The following KCNN2 variants were observed in gnomAD, a reference collection of about 807,000 sequenced individuals.
KCNN2 encodes the protein potassium calcium-activated channel subfamily N member 2.
A neutral mutation model predicts 55.5 loss-of-function variants in KCNN2; 24 were observed. The ratio of observed to expected loss-of-function variants is 0.43; its 90% CI spans 0.31 to 0.61. KCNN2 has a LOEUF of 0.61. Among genes scored for constraint, KCNN2 ranks in the 20% least tolerant of loss-of-function variants. The probability of loss-of-function intolerance (pLI) is 0.08; values close to 1 mark genes in which losing one functional copy is unlikely to be tolerated. For synonymous variants in KCNN2, 431 were observed against 336.1 expected (o/e 1.28, Z -3.09); for missense variants, 754 against 853.6 (o/e 0.88, Z 1.45).
chr5:114,297,295 G>A lies in KCNN2; in HGVS notation c.-184-63650G>A, dbSNP rs575874330. On this transcript the variant is annotated intron_variant, in intron 2 of 10. Coordinates refer to the KCNN2 transcript ENST00000512097. ...ATTGCACCACTGCACTGCAGCCTGGGTGATAGGGCAAGTCTCTGTCTCTAA... is the reference window on the plus strand; with the variant it reads ...ATTGCACCACTGCACTGCAGCCTGGATGATAGGGCAAGTCTCTGTCTCTAA... Among the ~76,000 whole-genome samples the A allele has an allele frequency of 2.6e-5, 4 of 152,132 alleles. No individual in the cohort carries two copies. In the South Asian group the frequency reaches 6.2e-4, roughly 24 times the overall value.
At chr5:114,142,084 C>T (rs891330108) in intron 1 of KCNN2, among the ~76,000 whole-genome samples, 1 of 152,092 alleles carries the variant, frequency 6.6e-6, no homozygotes, top group Non-Finnish European at 1.5e-5. Context: ...TGTATGTTGC[C>T]AGTTCACTCT....
intron 5 of KCNN2, among the ~76,000 whole-genome samples, chr5:114,480,810 T>C (rs558613566): frequency 6.6e-6 from 1 of 152,254 alleles, no homozygotes; most frequent in Non-Finnish European, 1.5e-5. Flanking sequence ...TCAAAAAAAT[T>C]CAACATCCCT....
chr5:114,464,807 T>C (rs1761364397), intron 4 of KCNN2, among the ~76,000 whole-genome samples: 1 of 113,110 alleles, frequency 8.8e-6, no homozygotes, highest in African/African-American at 3.2e-5. Flanking sequence ...TATAGTGAAC[T>C]TTAAAAAAAA....
At chr5:114,078,954 C>CT (rs1750741381) in intron 1 of KCNN2, among the ~76,000 whole-genome samples, 1 of 152,064 alleles carries the variant, frequency 6.6e-6, no homozygotes, top group Non-Finnish European at 1.5e-5. Flanking sequence ...TTGTATGTGT[C>CT]TATCAACCAT....
intron 1 of KCNN2, among the ~76,000 whole-genome samples, chr5:114,205,389 T>C (rs1668426267): frequency 6.6e-6 from 1 of 152,246 alleles, no homozygotes; most frequent in South Asian, 2.1e-4. Context: ...CTAGTCATTT[T>C]TGTGTTACAT....
chr5:114,329,000 T>C (rs1424620383), intron 2 of KCNN2, among the ~76,000 whole-genome samples: 7 of 152,250 alleles, frequency 4.6e-5, no homozygotes, highest in Non-Finnish European at 5.9e-5. Context: ...TCCTTACTTA[T>C]TGCCCTCCTT....
intron 1 of KCNN2, among the ~76,000 whole-genome samples, chr5:114,194,142 A>T (rs1323233661): frequency 6.6e-6 from 1 of 152,126 alleles, no homozygotes; most frequent in Non-Finnish European, 1.5e-5. Flanking sequence ...TATTCATAGT[A>T]CAATAATACT....
chr5:114,142,158 G>A (rs1941684486), intron 1 of KCNN2, among the ~76,000 whole-genome samples: 1 of 152,074 alleles, frequency 6.6e-6, no homozygotes, highest in Admixed American at 6.6e-5. Flanking sequence ...TGTCAATTTT[G>A]GCTTTTGTTG....
At chr5:114,270,291 G>A (rs371490257) in intron 2 of KCNN2, among the ~76,000 whole-genome samples, 2 of 152,128 alleles carry the variant, frequency 1.3e-5, no homozygotes, top group African/African-American at 2.4e-5. Context: ...TTGAAAATAC[G>A]GGTAACAATC....
intron 2 of KCNN2, among the ~76,000 whole-genome samples, chr5:114,272,563 TA>T (rs1482431049): frequency 6.6e-6 from 1 of 152,162 alleles, no homozygotes; most frequent in Non-Finnish European, 1.5e-5. Context: ...GGGCTAATAC[TA>T]AATGCTCTAT....
intron 3 of KCNN2, among the ~76,000 whole-genome samples, chr5:114,452,774 C>T (rs972809410): frequency 3.3e-5 from 5 of 152,166 alleles, no homozygotes; most frequent in African/African-American, 2.4e-5. Context: ...TGAATAGCTA[C>T]GTGTGAATAT....
intron 1 of KCNN2, among the ~76,000 whole-genome samples, chr5:114,220,357 C>G (rs1289712105): frequency 2.6e-5 from 4 of 151,856 alleles, no homozygotes; most frequent in African/African-American, 4.8e-5. Context: ...TGCTACTTTA[C>G]CATGGTAGTG....
intron 2 of KCNN2, among the ~76,000 whole-genome samples, chr5:114,397,130 G>A (rs988431982): frequency 9.9e-5 from 15 of 152,108 alleles, no homozygotes; most frequent in Admixed American, 3.3e-4. Flanking sequence ...CCAATGAAGG[G>A]CATTTAGGTT....
chr5:114,156,139 A>T (rs1283827950), intron 1 of KCNN2, among the ~76,000 whole-genome samples: 2 of 152,118 alleles, frequency 1.3e-5, no homozygotes, highest in East Asian at 1.9e-4. Flanking sequence ...TTGAATAGGG[A>T]ATCTTTTGCC....
intron 2 of KCNN2, among the ~76,000 whole-genome samples, chr5:114,290,317 G>C (rs901193476): frequency 2.0e-5 from 3 of 151,958 alleles, no homozygotes; most frequent in African/African-American, 7.2e-5. Flanking sequence ...TCTCAAATCA[G>C]TTTTAGTAAT....
At chr5:114,293,618 A>G (rs1380320158) in intron 2 of KCNN2, among the ~76,000 whole-genome samples, 2 of 152,190 alleles carry the variant, frequency 1.3e-5, no homozygotes, top group Non-Finnish European at 2.9e-5. Context: ...GGATTTTTGC[A>G]TCAATGTTCT....
intron 2 of KCNN2, among the ~76,000 whole-genome samples, chr5:114,277,655 C>G (rs1489143319): frequency 6.6e-6 from 1 of 152,144 alleles, no homozygotes; most frequent in Non-Finnish European, 1.5e-5. Flanking sequence ...GCATGCTTCA[C>G]AAAGTTCTCG....
At chr5:114,094,428 G>A (rs1751215450) in intron 1 of KCNN2, among the ~76,000 whole-genome samples, 1 of 152,188 alleles carries the variant, frequency 6.6e-6, no homozygotes, top group African/African-American at 2.4e-5. Flanking sequence ...TCTAGTCAGG[G>A]TAGAAGAAAG....
intron 1 of KCNN2, among the ~76,000 whole-genome samples, chr5:114,098,117 C>T (rs762509317): frequency 9.9e-5 from 15 of 151,972 alleles, no homozygotes; most frequent in African/African-American, 2.4e-4. Context: ...TCTTTCTTTC[C>T]GCTTCTGTCA....
Sources: allele counts gnomAD v4.1 joint callset (sites outside exome capture counted in the v4.1 genomes callset), GRCh38; gene constraint gnomAD v4.1.1; transcripts MANE v1.5; gene names NCBI Gene and HGNC (gene_info 2026-07-23, HGNC 2026-07-21).